Variants in YBEY observed in about 807,000 individuals in gnomAD.
YBEY encodes the protein endoribonuclease YbeY.
In YBEY, 15 loss-of-function variants were observed where a neutral mutation model predicts 13.5. The ratio of observed to expected loss-of-function variants is 1.11; its 90% CI spans 0.75 to 1.72. YBEY has a LOEUF of 1.72. YBEY is among the 40% of genes most tolerant of loss of function. YBEY has a pLI of 0.00. For missense variants in YBEY, 244 were observed against 208.4 expected, an observed-to-expected ratio of 1.17 and a Z score of -1.05; for synonymous variants, 101 against 83.1, an observed-to-expected ratio of 1.21 and a Z score of -1.17.
downstream of YBEY, chr21:46,301,698 G>T: frequency 8.6e-7 from 1 of 1,164,204 alleles, no homozygotes; most frequent in Non-Finnish European, 1.1e-6. Context: ...AGGCTCCCAG[G>T]TGGGCCGGCG....
chr21:46,309,057 G>T, the YBEY span, among the ~76,000 whole-genome samples: 1 of 152,188 alleles, frequency 6.6e-6, no homozygotes, highest in South Asian at 2.1e-4. Context: ...AGTGGCTCAC[G>T]CCTGTAATCC....
At chr21:46,292,636 TA>T (rs1744544507) in intron 3 of YBEY, among the ~76,000 whole-genome samples, 1 of 97,044 alleles carries the variant, frequency 1.0e-5, no homozygotes, top group African/African-American at 4.2e-5. Context: ...CCACGCAAGT[TA>T]AACTCTAGAT....
At chr21:46,301,752 C>G, downstream of YBEY, 3 of 1,221,274 alleles carry the variant, frequency 2.5e-6, no homozygotes, top group Non-Finnish European at 3.1e-6. Flanking sequence ...GGCTGTTGCC[C>G]TGGTGGGGTT....
chr21:46,298,082 G>C (rs1199688571), downstream of YBEY, among the ~76,000 whole-genome samples: 1 of 152,250 alleles, frequency 6.6e-6, no homozygotes, highest in African/African-American at 2.4e-5. Context: ...TCGCGAGCGC[G>C]CTGGTTCCCC....
chr21:46,300,679 TGCAGCTCAGTG>T, downstream of YBEY: 2 of 1,281,166 alleles, frequency 1.6e-6, no homozygotes, highest in Non-Finnish European at 2.0e-6. Flanking sequence ...TGGGGAGCTC[TGCAGCTCAGTG>T]GCAACTCTCT....
At chr21:46,301,393 T>C, downstream of YBEY, 1 of 775,092 alleles carries the variant, frequency 1.3e-6, no homozygotes, top group Non-Finnish European at 1.6e-6. Flanking sequence ...GTGATCCTCC[T>C]GCCTCAGCCT....
chr21:46,297,947 C>A (rs566071537), downstream of YBEY, among the ~76,000 whole-genome samples: 1 of 152,234 alleles, frequency 6.6e-6, no homozygotes, highest in South Asian at 2.1e-4. Flanking sequence ...TTGGGTGCCG[C>A]AGCGCGTCCT....
At chr21:46,299,631 A>G (rs1299910715), downstream of YBEY, among the ~76,000 whole-genome samples, 1 of 152,042 alleles carries the variant, frequency 6.6e-6, no homozygotes, top group African/African-American at 2.4e-5. Context: ...AGATCTGCCA[A>G]CCCTGTGGAG....
At chr21:46,291,842 C>T in intron 3 of YBEY, 1 of 1,064,774 alleles carries the variant, frequency 9.4e-7, no homozygotes, top group Non-Finnish European at 1.1e-6. Flanking sequence ...TGTAATCCAC[C>T]TATGGGTTCT....
At chr21:46,311,926 TCCAA>T in the YBEY span, among the ~76,000 whole-genome samples, 30 of 106,216 alleles carry the variant, frequency 2.8e-4, no homozygotes, top group African/African-American at 6.7e-4. Flanking sequence ...CACCCATCCA[TCCAA>T]CCAACCAACC....
chr21:46,296,214 A>C lies in YBEY; in HGVS notation c.392A>C (p.Glu131Ala). 2 of 1,613,762 alleles carry C rather than the reference A, an allele frequency of 1.2e-6. No individual in the cohort carries two copies. The highest frequency in any genetic ancestry group is 4.5e-5 in the East Asian group (2 of 44,852). ...CHLLGFTHGT[E>A]AEWQQMFQKE... ...TTGCTGGGATTCACACACGGCACGG[A>C]GGCAGAGTGGCAGCAGGTAAGGAGC... is the stretch of plus-strand genomic sequence containing the variant. The change falls in exon 4 of 5, where the codon GAG becomes GCG. Residue 131 changes from glutamate (E) to alanine (A), a missense_variant. Glu to Ala is a moderately radical substitution (Grantham distance 107). Transcript: ENST00000397701.
downstream of YBEY, chr21:46,302,363 C>T (rs2082144541): frequency 1.8e-6 from 2 of 1,084,716 alleles, no homozygotes; most frequent in Non-Finnish European, 2.7e-6. Context: ...GGCTTCACAG[C>T]CAGACTGTAG....
rs750528465 is a variant in YBEY, at chr21:46,291,478, GA to G, written c.339+19del. The G allele has an allele frequency of 2.2e-5, 35 of 1,613,140 alleles. No individual in the cohort carries two copies. Among genetic ancestry groups the G allele is most frequent in the Non-Finnish European group, 2.8e-5 (33 of 1,179,710 alleles). On this transcript the variant is annotated intron_variant, in intron 3 of 4. Transcript: ENST00000397701. The stretch of plus-strand genomic sequence containing the variant: ...CGTCCTGACTGTAAGCGGGGATGCT[GA>G]AATCATATAACCTGGCTCATGGAAC...
intron 2 of YBEY, among the ~76,000 whole-genome samples, chr21:46,288,007 T>C (rs1364335065): frequency 1.4e-5 from 2 of 138,662 alleles, no homozygotes; most frequent in East Asian, 4.1e-4. Flanking sequence ...AGCGAAACTC[T>C]GTCTCAGGAA....
downstream of YBEY, chr21:46,300,640 C>A: frequency 8.1e-7 from 1 of 1,233,544 alleles, no homozygotes; most frequent in Non-Finnish European, 1.0e-6. Context: ...CACACCTGCC[C>A]GTCCATGTCA....
chr21:46,296,260 G>A (rs2081947989), intron 4 of YBEY, 30 bp downstream of exon 4: 4 of 1,612,048 alleles, frequency 2.5e-6, no homozygotes, highest in East Asian at 4.5e-5. Context: ...CACTACCGAG[G>A]GGGTGCGTGG....
chr21:46,297,904 C>T (rs1399053789), downstream of YBEY, among the ~76,000 whole-genome samples: 1 of 152,256 alleles, frequency 6.6e-6, no homozygotes, highest in Non-Finnish European at 1.5e-5. Context: ...TGCCCGGAGC[C>T]TGCGCCCCCG....
the YBEY span, among the ~76,000 whole-genome samples, chr21:46,309,641 T>A: frequency 6.6e-6 from 1 of 151,816 alleles, no homozygotes; most frequent in African/African-American, 2.4e-5. Flanking sequence ...CTTAAAACAG[T>A]CATGCTGAGA....
intron 2 of YBEY, among the ~76,000 whole-genome samples, chr21:46,289,196 A>C (rs1448420665): frequency 1.3e-5 from 2 of 152,226 alleles, no homozygotes; most frequent in Non-Finnish European, 2.9e-5. Flanking sequence ...TGGAAAGAAC[A>C]GGAATATACA....
Sources: gnomAD v4.1 joint callset for allele counts (sites outside exome capture counted in the v4.1 genomes callset) on GRCh38, gnomAD v4.1.1 for gene constraint, MANE v1.5 for transcripts, NCBI Gene and HGNC (gene_info 2026-07-23, HGNC 2026-07-21) for gene names.